Variants in FAXC observed in about 807,000 individuals in gnomAD.
FAXC encodes failed axon connections homolog.
A neutral mutation model predicts 41.9 loss-of-function variants in FAXC; 10 were observed. The ratio of observed to expected loss-of-function variants is 0.24; its 90% confidence interval spans 0.15 to 0.41. FAXC has a LOEUF of 0.41. Ranked by LOEUF, FAXC falls within the 10% of genes least tolerant of loss-of-function variation. The pLI is 1.00. For synonymous variants in FAXC, 183 were observed against 183.8 expected, an observed-to-expected ratio of 1.00 and a Z score of 0.03; for missense variants, 399 against 510.9, an observed-to-expected ratio of 0.78 and a Z score of 2.11.
At chr6:99,287,602 C>T (rs949497713) in intron 5 of FAXC, among the ~76,000 whole-genome samples, 9 of 152,156 alleles carry the variant, frequency 5.9e-5, no homozygotes, top group African/African-American at 1.9e-4. Flanking sequence ...TTCATCCAAA[C>T]ACACTCACAA....
At chr6:99,286,080 A>G (rs934580271) in intron 5 of FAXC, among the ~76,000 whole-genome samples, 2 of 152,114 alleles carry the variant, frequency 1.3e-5, no homozygotes, top group African/African-American at 4.8e-5. Flanking sequence ...ACATCCAAAC[A>G]CACTCATTTG....
In FAXC at chr6:99,273,537, A is replaced by ATGG; in HGVS notation, c.*7626_*7627insCCA. The ATGG allele has an allele frequency of 6.7e-6, 1 of 148,748 alleles. No homozygotes were observed. Among genetic ancestry groups the ATGG allele is most frequent in the Non-Finnish European group, 1.5e-5 (1 of 67,542 alleles). 9.2% of individuals were successfully genotyped at this position (148,748 alleles called of 1,614,324 possible). A position where few individuals can be genotyped will look rare whatever the true frequency, so the allele number is the denominator to read the frequency against. On this transcript the variant is annotated 3_prime_UTR_variant, in exon 6 of 6. Transcript: ENST00000389677. ...TTCTGGAATTTTCAAGGCATTCTAG[A>ATGG]TCAAGTGGTCCCAAAAGCAGAATTA...
intron 3 of FAXC, among the ~76,000 whole-genome samples, chr6:99,333,140 A>G (rs1773088167): frequency 6.6e-6 from 1 of 152,258 alleles, no homozygotes; most frequent in Admixed American, 6.5e-5. Context: ...TAAAATATTT[A>G]CTGGCTGGTC....
chr6:99,347,748 A>C (rs1340424027), intron 1 of FAXC, among the ~76,000 whole-genome samples: 1 of 152,250 alleles, frequency 6.6e-6, no homozygotes, highest in Non-Finnish European at 1.5e-5. Context: ...TTACCATTTA[A>C]ATTACTGCCC....
intron 5 of FAXC, among the ~76,000 whole-genome samples, chr6:99,289,711 GTGTGTGTGTA>G (rs1037640635): frequency 6.7e-6 from 1 of 149,876 alleles, no homozygotes; most frequent in African/African-American, 2.4e-5. Context: ...GTGTGTGTGT[GTGTGTGTGTA>G]TATATATATA....
chr6:99,323,610 A>G lies in FAXC; in HGVS notation c.657T>C (p.Ser219=), dbSNP rs1319668838. ...DNLNETRKML[S]LSGGGPFSNL... ...TGCTGAAGGGACCACCACCACTAAGAGAGAGCATCTTCCGGGTCTCATTGA... is the reference window on the plus strand; with the variant it reads ...TGCTGAAGGGACCACCACCACTAAGGGAGAGCATCTTCCGGGTCTCATTGA... Residue 219 remains serine, a synonymous_variant, in exon 4 of 6, where the codon TCT becomes TCC. Coordinates refer to ENST00000389677, the MANE Select transcript of FAXC (RefSeq NM_032511.4). 3 of 1,614,224 alleles carry G rather than the reference A, an allele frequency of 1.9e-6. No individual in the cohort carries two copies. The East Asian group carries it at 6.7e-5, about 36-fold the overall frequency.
intron 1 of FAXC, among the ~76,000 whole-genome samples, 182 bp from the exon 2 acceptor site, chr6:99,343,215 T>C (rs1350740780): frequency 6.6e-6 from 1 of 152,132 alleles, no homozygotes; most frequent in East Asian, 1.9e-4. Context: ...CCAGCACTCA[T>C]GGAAGCTTAG....
chr6:99,347,406 GAAA>G (rs57714437), intron 1 of FAXC, among the ~76,000 whole-genome samples: 11,307 of 143,450 alleles, frequency 0.079, 1,441 homozygotes, highest in African/African-American at 0.27. Flanking sequence ...AGTCTCAAAA[GAAA>G]AAAAAAAAAA....
At chr6:99,335,955 A>G (rs73761954) in intron 2 of FAXC, among the ~76,000 whole-genome samples, 7,661 of 152,286 alleles carry the variant, frequency 0.05, 614 homozygotes, top group African/African-American at 0.17. Context: ...GAATGAAAAA[A>G]CATTTTAAAA....
intron 4 of FAXC, among the ~76,000 whole-genome samples, chr6:99,312,807 TATG>T (rs1352022959): frequency 6.6e-6 from 1 of 152,226 alleles, no homozygotes; most frequent in Non-Finnish European, 1.5e-5. Context: ...ATGTTAGAAA[TATG>T]ATATTTTATC....
chr6:99,299,954 A>C (rs1183224271), intron 4 of FAXC, among the ~76,000 whole-genome samples: 2 of 152,136 alleles, frequency 1.3e-5, no homozygotes, highest in Non-Finnish European at 2.9e-5. Context: ...ATACCAGAAG[A>C]AGCTCCTTAA....
At position 99,275,267 on chromosome 6, in the gene FAXC, GGATT is replaced by G. The variant is rs1036719072; in HGVS notation, c.*5893_*5896del. 15 of 152,082 alleles carry G rather than the reference GGATT, an allele frequency of 9.9e-5. No individual in the cohort carries two copies. The highest frequency in any genetic ancestry group is 3.6e-4 in the African/African-American group (15 of 41,412). 9.4% of individuals were successfully genotyped at this position (152,082 alleles called of 1,614,324 possible). A position where few individuals can be genotyped will look rare whatever the true frequency, so the allele number is the denominator to read the frequency against. ...ACACATATATTGCTTTATGGTTAGT[GGATT>G]GTTTCAAAAATGCATGATGGCCATT... is the stretch of plus-strand genomic sequence containing the variant. On this transcript the variant is annotated 3_prime_UTR_variant, in exon 6 of 6. Transcript: ENST00000389677.
chr6:99,279,966 CA>C lies in FAXC; in HGVS notation c.*1197del, dbSNP rs920866467. Reference sequence around the variant, plus strand: ...AATACATCTTTGCAAGGTTTGTTTTCAAAAAGACATTACAAGTTGGCAGGCT... The same window carrying C: ...AATACATCTTTGCAAGGTTTGTTTTCAAAAGACATTACAAGTTGGCAGGCT... On this transcript the variant is annotated 3_prime_UTR_variant, in exon 6 of 6. Coordinates refer to ENST00000389677, the MANE Select transcript of FAXC (RefSeq NM_032511.4). The C allele has an allele frequency of 6.6e-6, 1 of 152,096 alleles. No individual in the cohort carries two copies. Among genetic ancestry groups the C allele is most frequent in the Non-Finnish European group, 1.5e-5 (1 of 68,014 alleles). 9.4% of individuals were successfully genotyped at this position (152,096 alleles called of 1,614,324 possible).
At chr6:99,344,014 A>G (rs1368526973) in intron 1 of FAXC, among the ~76,000 whole-genome samples, 2 of 152,166 alleles carry the variant, frequency 1.3e-5, no homozygotes, top group African/African-American at 4.8e-5. Flanking sequence ...TACATAATGG[A>G]ATGAATGCTG....
At chr6:99,300,045 C>T (rs897492984) in intron 4 of FAXC, among the ~76,000 whole-genome samples, 1 of 152,060 alleles carries the variant, frequency 6.6e-6, no homozygotes. Context: ...AAAGAACACA[C>T]AAAAATTTAT....
chr6:99,335,929 C>T (rs1227003013), intron 2 of FAXC, among the ~76,000 whole-genome samples: 6 of 152,104 alleles, frequency 3.9e-5, no homozygotes, highest in African/African-American at 1.4e-4. Context: ...CTGATTACAT[C>T]TAAGTAAACA....
intron 4 of FAXC, among the ~76,000 whole-genome samples, chr6:99,320,583 C>G (rs1294080314): frequency 6.6e-6 from 1 of 152,164 alleles, no homozygotes; most frequent in Non-Finnish European, 1.5e-5. Flanking sequence ...ACATGCGGCT[C>G]CTTCTCTCTT....
At chr6:99,332,615 C>G (rs1773067207) in intron 3 of FAXC, among the ~76,000 whole-genome samples, 1 of 152,136 alleles carries the variant, frequency 6.6e-6, no homozygotes, top group African/African-American at 2.4e-5. Flanking sequence ...CTCATCAACT[C>G]GTGTGATGGT....
At chr6:99,306,876 T>G (rs1435764795) in intron 4 of FAXC, among the ~76,000 whole-genome samples, 1 of 152,180 alleles carries the variant, frequency 6.6e-6, no homozygotes, top group Non-Finnish European at 1.5e-5. Flanking sequence ...AGTGCCTGCA[T>G]GTGTTAGTAG....
Sources: allele counts gnomAD v4.1 joint callset (sites outside exome capture counted in the v4.1 genomes callset), GRCh38; gene constraint gnomAD v4.1.1; transcripts MANE v1.5; gene names NCBI Gene and HGNC (gene_info 2026-07-23, HGNC 2026-07-21).